Variants in SSC5D observed in about 807,000 individuals in gnomAD.
The protein encoded by SSC5D is scavenger receptor cysteine rich family member with 5 domains.
Under a neutral mutation model 104.6 loss-of-function variants are expected in SSC5D, and 106 were observed. The ratio of observed to expected loss-of-function variants is 1.01; its 90% CI spans 0.87 to 1.19. The LOEUF is 1.19. Among genes scored for constraint, SSC5D ranks in the 50% most tolerant of loss-of-function variants. SSC5D has a pLI of 0.00. For synonymous variants in SSC5D, 860 were observed against 883.5 expected, an observed-to-expected ratio of 0.97 and a Z score of 0.47; for missense variants, 1,993 against 2,153.8, an observed-to-expected ratio of 0.93 and a Z score of 1.48.
intron 9 of SSC5D, among the ~76,000 whole-genome samples, chr19:55,499,125 C>T (rs1036616608): frequency 6.6e-6 from 1 of 152,220 alleles, no homozygotes; most frequent in Non-Finnish European, 1.5e-5. Context: ...ACACTGTTAG[C>T]ATAGGCGATC....
At chr19:55,508,161 G>A (rs1987679464) in intron 12 of SSC5D, among the ~76,000 whole-genome samples, 1 of 152,158 alleles carries the variant, frequency 6.6e-6, no homozygotes, top group Non-Finnish European at 1.5e-5. Flanking sequence ...ATAACTTAGC[G>A]AGATGGAATT....
chr19:55,515,614 C>T (rs1987854463), intron 13 of SSC5D, among the ~76,000 whole-genome samples: 1 of 151,430 alleles, frequency 6.6e-6, no homozygotes, highest in East Asian at 2.0e-4. Context: ...CGCCTGTAGT[C>T]CCAGCTTCTC....
intron 12 of SSC5D, among the ~76,000 whole-genome samples, chr19:55,507,389 C>T (rs908703870): frequency 3.4e-5 from 5 of 148,622 alleles, no homozygotes; most frequent in African/African-American, 9.9e-5. Flanking sequence ...TTTTACGGGC[C>T]GGGCGCGGTG....
intron 12 of SSC5D, among the ~76,000 whole-genome samples, chr19:55,509,165 G>A (rs1987699264): frequency 6.6e-6 from 1 of 152,140 alleles, no homozygotes; most frequent in African/African-American, 2.4e-5. Flanking sequence ...TGCCCTCTCT[G>A]GGCATCAGTT....
At chr19:55,494,813 AG>A in intron 8 of SSC5D, 30 bp downstream of exon 8, 1 of 1,510,080 alleles carries the variant, frequency 6.6e-7, no homozygotes, top group Non-Finnish European at 8.9e-7. Flanking sequence ...CCAAGAAAAC[AG>A]GGTCCTTCCT....
In SSC5D at chr19:55,493,726, C is replaced by T. The variant is rs917048803; in HGVS notation, c.1027C>T (p.Arg343Ter). The change falls in exon 7 of 14, where the codon CGA (arginine) becomes TGA (stop). Residue 343 changes from arginine to a stop codon, truncating the protein, a stop_gained. Transcript: ENST00000389623. LOFTEE classifies it high-confidence loss of function. ...CCTGCGAGACGCCGCTGTGGCCTGCCGAGAGCTGGGCTGCGGAGGGGCGCT... is the reference window on the plus strand; with the variant it reads ...CCTGCGAGACGCCGCTGTGGCCTGCTGAGAGCTGGGCTGCGGAGGGGCGCT... ...WDLRDAAVAC[R>*]ELGCGGALAA... 1.1e-5 allele frequency: 17 copies of T among 1,520,320 alleles called. No homozygotes were observed. Among genetic ancestry groups the T allele is most frequent in the East Asian group, 2.5e-5 (1 of 39,902 alleles). 94.2% of individuals were successfully genotyped at this position (1,520,320 alleles called of 1,614,324 possible). A position where few individuals can be genotyped will look rare whatever the true frequency, so the allele number is the denominator to read the frequency against.
rs767647771 is a variant in SSC5D, at chr19:55,517,078, G to A, written c.2948-146G>A. The stretch of plus-strand genomic sequence containing the variant: ...GAGGACGTAGGGAGGAGGGGCCCTA[G>A]GGCCGGGTGAAGTCTGCCGGTGACC... On this transcript the variant is annotated intron_variant, in intron 13 of 13. Transcript: ENST00000389623. 3.7e-4 allele frequency: 271 copies of A among 738,048 alleles called. 1 individual carries two copies. Among genetic ancestry groups the A allele is most frequent in the Non-Finnish European group, 5.7e-4 (264 of 462,312 alleles). 45.7% of individuals were successfully genotyped at this position (738,048 alleles called of 1,614,324 possible). A position where few individuals can be genotyped will look rare whatever the true frequency, so the allele number is the denominator to read the frequency against.
chr19:55,499,703 AATG>A, intron 9 of SSC5D, 110 bp from the exon 10 acceptor site: 1 of 816,936 alleles, frequency 1.2e-6, no homozygotes, highest in East Asian at 2.7e-5. Context: ...TAAATGAATG[AATG>A]ATGAATGAAT....
chr19:55,517,193 G>C (rs1022319529), intron 13 of SSC5D, 31 bp from the exon 14 acceptor site: 1 of 1,520,462 alleles, frequency 6.6e-7, no homozygotes, highest in Non-Finnish European at 8.8e-7. Context: ...GTTGACCTCA[G>C]ACCGTCCGTC....
chr19:55,515,396 C>CAAAAAA lies in SSC5D; in HGVS notation c.2948-1812_2948-1807dup, dbSNP rs71181781. Among the ~76,000 whole-genome samples, 223 of 86,550 alleles carry CAAAAAA rather than the reference C, an allele frequency of 2.6e-3. 5 individuals carry two copies. The highest frequency in any genetic ancestry group is 0.012 in the Middle Eastern group (1 of 86). 56.8% of individuals were successfully genotyped at this position (86,550 alleles called of 152,430 possible). A position where few individuals can be genotyped will look rare whatever the true frequency, so the allele number is the denominator to read the frequency against. ...GGGCAACAGGAGTGAAACTCCGTCT[C>CAAAAAA]AAAAAAAAAAAAAAAAAAAAAGTTA... is the stretch of plus-strand genomic sequence containing the variant. On this transcript the variant is annotated intron_variant, in intron 13 of 13. Coordinates refer to ENST00000389623, the MANE Select transcript of SSC5D (RefSeq NM_001144950.2).
chr19:55,494,036 C>A, intron 7 of SSC5D, 124 bp downstream of exon 7: 1 of 927,240 alleles, frequency 1.1e-6, no homozygotes, highest in Non-Finnish European at 1.6e-6. Context: ...ACTTTCCACT[C>A]CCCCATCTTA....
chr19:55,509,909 G>A lies in SSC5D; in HGVS notation c.2786-3102G>A, dbSNP rs964428171. Among the ~76,000 whole-genome samples, 7 of 149,366 alleles carry A rather than the reference G, an allele frequency of 4.7e-5. No individual in the cohort carries two copies. In the East Asian group the frequency reaches 1.4e-3, roughly 29 times the overall value. On this transcript the variant is annotated intron_variant, in intron 12 of 13. Coordinates refer to ENST00000389623, the MANE Select transcript of SSC5D (RefSeq NM_001144950.2). Reference sequence around the variant, plus strand: ...AAAAAAAAGAAAGAAATACGCGTATGAGAATGAGAAACCAGATTTCCGACA... The same window carrying A: ...AAAAAAAAGAAAGAAATACGCGTATAAGAATGAGAAACCAGATTTCCGACA...
At position 55,517,449 on chromosome 19, in the gene SSC5D, C is replaced by A. The variant is rs1199718911; in HGVS notation, c.3173C>A (p.Thr1058Lys). 1.3e-6 allele frequency: 2 copies of A among 1,551,184 alleles called. No homozygotes were observed. The highest frequency in any genetic ancestry group is 3.9e-5 in the Admixed American group (2 of 50,972). Residue 1058 changes from threonine to lysine, a missense_variant, in exon 14 of 14, where the codon ACG (threonine) becomes AAG (lysine). Transcript: ENST00000389623. Reference sequence around the variant, plus strand: ...CCCACCCCAGACCCGGCCTCCCGGACGAACCCCGACCTCATCTTGACAAGC... The same window carrying A: ...CCCACCCCAGACCCGGCCTCCCGGAAGAACCCCGACCTCATCTTGACAAGC... ...SPPTPDPASR[T>K]NPDLILTSPD...
At chr19:55,516,476 G>A (rs926699514) in intron 13 of SSC5D, among the ~76,000 whole-genome samples, 8 of 150,412 alleles carry the variant, frequency 5.3e-5, no homozygotes, top group South Asian at 2.1e-4. Flanking sequence ...CAGCCTGGGC[G>A]ACAGAGCGAG....
intron 13 of SSC5D, among the ~76,000 whole-genome samples, chr19:55,516,766 G>A (rs1231239904): frequency 6.6e-6 from 1 of 152,160 alleles, no homozygotes; most frequent in Non-Finnish European, 1.5e-5. Context: ...ATCCATAAAA[G>A]TATTTATTTT....
At position 55,495,233 on chromosome 19, in the gene SSC5D, A is replaced by ATTTT. The variant is rs74181759; in HGVS notation, c.1387+474_1387+477dup. Among the ~76,000 whole-genome samples the ATTTT allele has an allele frequency of 2.0e-4, 10 of 50,664 alleles. 1 individual carries two copies. The highest frequency in any genetic ancestry group is 6.9e-4 in the African/African-American group (7 of 10,214). 33.2% of individuals were successfully genotyped at this position (50,664 alleles called of 152,430 possible). A position where few individuals can be genotyped will look rare whatever the true frequency, so the allele number is the denominator to read the frequency against. Reference sequence around the variant, plus strand: ...CCTCCTTTCATATATATATATATATATTTTTTTTTTTTTTTTTTTTTTTTT... The same window carrying ATTTT: ...CCTCCTTTCATATATATATATATATATTTTTTTTTTTTTTTTTTTTTTTTTTTTT... On this transcript the variant is annotated intron_variant, in intron 8 of 13. Transcript: ENST00000389623.
intron 13 of SSC5D, among the ~76,000 whole-genome samples, chr19:55,515,454 C>T (rs1467670049): frequency 6.7e-6 from 1 of 148,928 alleles, no homozygotes; most frequent in Non-Finnish European, 1.5e-5. Context: ...GAAACATTTG[C>T]CGGGCGCAGT....
At chr19:55,504,135 G>C in intron 12 of SSC5D, 2 of 1,535,626 alleles carry the variant, frequency 1.3e-6, no homozygotes, top group South Asian at 2.4e-5. Context: ...CGGGAGCTCC[G>C]AGAGGTGATG....
intron 13 of SSC5D, among the ~76,000 whole-genome samples, chr19:55,515,731 C>CAA (rs35843272): frequency 1.1e-3 from 156 of 142,476 alleles, no homozygotes; most frequent in Middle Eastern, 3.5e-3. Context: ...GACTCCGTCT[C>CAA]AAAAAAAAAA....
Sources: gnomAD v4.1 joint callset for allele counts (sites outside exome capture counted in the v4.1 genomes callset) on GRCh38, gnomAD v4.1.1 for gene constraint, MANE v1.5 for transcripts, NCBI Gene and HGNC (gene_info 2026-07-23, HGNC 2026-07-21) for gene names.